RXFP2: variants seen among roughly 807,000 people sequenced by gnomAD.
RXFP2 encodes the protein relaxin family peptide receptor 2.
RXFP2 carries 68 observed loss-of-function variants against 88.6 expected under a neutral mutation model. The ratio of observed to expected loss-of-function variants is 0.77; its 90% CI spans 0.63 to 0.94. The LOEUF is 0.94. RXFP2 is among the 40% of genes least tolerant of loss of function. RXFP2 has a pLI of 0.00. For missense variants in RXFP2, 791 were observed against 893.9 expected (o/e 0.88, Z 1.47); for synonymous variants, 329 against 306.8 (o/e 1.07, Z -0.76).
chr13:31,774,025 C>T (rs917346684), intron 5 of RXFP2, among the ~76,000 whole-genome samples: 7 of 152,184 alleles, frequency 4.6e-5, no homozygotes, highest in African/African-American at 1.4e-4. Flanking sequence ...CAATACTGTA[C>T]TATTAAGTTG....
At chr13:31,791,785 T>C (rs898272581) in intron 14 of RXFP2, 21 bp from the exon 15 acceptor site, 1 of 1,552,954 alleles carries the variant, frequency 6.4e-7, no homozygotes, top group Admixed American at 1.7e-5. Flanking sequence ...AAAGTGACAC[T>C]TTTTTTCCCT....
chr13:31,774,722 T>A (rs9549049), intron 6 of RXFP2, 31 bp downstream of exon 6: 4 of 1,145,556 alleles, frequency 3.5e-6, no homozygotes, highest in Non-Finnish European at 4.0e-6. Flanking sequence ...ATTGTAGGTA[T>A]AATTTTAAGC....
intron 8 of RXFP2, among the ~76,000 whole-genome samples, chr13:31,778,234 C>T (rs1250024883): frequency 6.6e-6 from 1 of 152,056 alleles, no homozygotes; most frequent in African/African-American, 2.4e-5. Context: ...AAAATTATTA[C>T]CCAATATATA....
At chr13:31,740,036 A>C (rs774300747) in intron 1 of RXFP2, among the ~76,000 whole-genome samples, 8 of 152,172 alleles carry the variant, frequency 5.3e-5, no homozygotes, top group Non-Finnish European at 1.2e-4. Flanking sequence ...TTAATAAACT[A>C]AAATTGTGTT....
chr13:31,760,442 A>G (rs553531922), intron 2 of RXFP2, among the ~76,000 whole-genome samples: 5 of 152,304 alleles, frequency 3.3e-5, no homozygotes, highest in Admixed American at 1.3e-4. Flanking sequence ...AAGAGGCCTG[A>G]GTCTTATCAC....
At chr13:31,752,910 A>C (rs1036448576) in intron 1 of RXFP2, among the ~76,000 whole-genome samples, 1 of 152,216 alleles carries the variant, frequency 6.6e-6, no homozygotes, top group South Asian at 2.1e-4. Context: ...TCTGGATGCT[A>C]AATGAATGTT....
At chr13:31,784,090 A>G (rs6563802) in intron 11 of RXFP2, among the ~76,000 whole-genome samples, 91,013 of 150,958 alleles carry the variant, frequency 0.6, 27,608 homozygotes, top group East Asian at 0.77. Context: ...GCCTCCCAAA[A>G]TGCTGGGATT....
rs1249838939 is a variant in RXFP2, at chr13:31,741,310, A to G, written c.94+1604A>G. Among the ~76,000 whole-genome samples the G allele has an allele frequency of 5.3e-5, 8 of 152,174 alleles. No homozygotes were observed. The East Asian group carries it at 1.3e-3, about 26-fold the overall frequency. On this transcript the variant is annotated intron_variant, in intron 1 of 17. Transcript: ENST00000298386. ...CTGGAAATTTTTATTTTCTAATTTT[A>G]TATTACTTTTGACTACTAATTTAAA... is the stretch of plus-strand genomic sequence containing the variant.
chr13:31,742,167 A>T (rs1871246188), intron 1 of RXFP2, among the ~76,000 whole-genome samples: 1 of 152,244 alleles, frequency 6.6e-6, no homozygotes, highest in Admixed American at 6.5e-5. Flanking sequence ...AGAAAGTAAA[A>T]GCATGAAGCA....
At chr13:31,753,724 A>C (rs1043334955) in intron 1 of RXFP2, among the ~76,000 whole-genome samples, 8 of 152,196 alleles carry the variant, frequency 5.3e-5, no homozygotes, top group African/African-American at 1.9e-4. Context: ...ATGGAAGACT[A>C]AAAAATAATT....
chr13:31,786,310 A>T, intron 11 of RXFP2, 73 bp from the exon 12 acceptor site: 1 of 1,032,576 alleles, frequency 9.7e-7, no homozygotes, highest in Non-Finnish European at 1.5e-6. Context: ...TGGGATGATG[A>T]TAATTGTGAG....
At chr13:31,765,749 T>G (rs1249272821) in intron 4 of RXFP2, among the ~76,000 whole-genome samples, 1 of 152,226 alleles carries the variant, frequency 6.6e-6, no homozygotes, top group Non-Finnish European at 1.5e-5. Flanking sequence ...ACTAACTGGC[T>G]ACATTTGTCA....
chr13:31,799,682 A>G (rs1874237386), intron 17 of RXFP2, among the ~76,000 whole-genome samples: 1 of 152,088 alleles, frequency 6.6e-6, no homozygotes, highest in African/African-American at 2.4e-5. Context: ...CACCTCAATG[A>G]GACTACCTCT....
chr13:31,773,372 G>A (rs955849290), intron 5 of RXFP2, among the ~76,000 whole-genome samples: 4 of 151,862 alleles, frequency 2.6e-5, no homozygotes, highest in Middle Eastern at 6.9e-3. Context: ...TATTTGTAAA[G>A]TACTTGGGGT....
At chr13:31,745,560 T>C (rs2138382488) in intron 1 of RXFP2, among the ~76,000 whole-genome samples, 2 of 152,324 alleles carry the variant, frequency 1.3e-5, no homozygotes, top group Admixed American at 1.3e-4. Context: ...ACTAAGCCCC[T>C]TTCTCAAACT....
At chr13:31,742,563 C>G (rs1025250555) in intron 1 of RXFP2, among the ~76,000 whole-genome samples, 1 of 152,138 alleles carries the variant, frequency 6.6e-6, no homozygotes, top group Non-Finnish European at 1.5e-5. Context: ...GATGTGTTAT[C>G]TCTGAAGACG....
chr13:31,788,125 CAGAG>C (rs1873632063), intron 13 of RXFP2, among the ~76,000 whole-genome samples: 1 of 136,798 alleles, frequency 7.3e-6, no homozygotes, highest in Non-Finnish European at 1.6e-5. Flanking sequence ...AAGTCAAGGA[CAGAG>C]CCAGAGAGAA....
chr13:31,792,707 T>C lies in RXFP2; in HGVS notation c.1405T>C (p.Phe469Leu). The change falls in exon 16 of 18, where the codon TTC becomes CTC. Residue 469 changes from phenylalanine (F) to leucine (L), a missense_variant. By Grantham distance (22) the Phe-to-Leu change is conservative. Coordinates refer to ENST00000298386, the MANE Select transcript of RXFP2 (RefSeq NM_130806.5). The stretch of plus-strand genomic sequence containing the variant: ...TGATTGCCTGATGGGTGTTTACTTG[T>C]TCTTTGTTGGCATTTTCGATATAAA... ...CADCLMGVYL[F>L]FVGIFDIKYR... 6.2e-7 allele frequency: 1 copy of C among 1,614,174 alleles called. No homozygotes were observed. Among genetic ancestry groups the C allele is most frequent in the Middle Eastern group, 1.6e-4 (1 of 6,062 alleles).
Position 31,782,765 on chromosome 13 carries a change from C to G in RXFP2, c.929+18C>G, listed in dbSNP as rs199629471. 249 of 1,456,370 alleles carry G rather than the reference C, an allele frequency of 1.7e-4. No individual in the cohort carries two copies. The African/African-American group carries it at 2.8e-3, about 16-fold the overall frequency. The allele number at this position is 1,456,370 out of a possible 1,614,324, so 90.2% of individuals were successfully genotyped here. On this transcript the variant is annotated intron_variant, in intron 11 of 17. Coordinates refer to ENST00000298386, the MANE Select transcript of RXFP2 (RefSeq NM_130806.5). ...GGAGAACTGTAAGTAGCATCGTCTACTAGGAAAATATGATTGCTTCTTCCG... is the reference window on the plus strand; with the variant it reads ...GGAGAACTGTAAGTAGCATCGTCTAGTAGGAAAATATGATTGCTTCTTCCG...
Sources: gnomAD v4.1 joint callset for allele counts (sites outside exome capture counted in the v4.1 genomes callset) on GRCh38, gnomAD v4.1.1 for gene constraint, MANE v1.5 for transcripts, NCBI Gene and HGNC (gene_info 2026-07-23, HGNC 2026-07-21) for gene names.